Variants in CPSF7 observed in about 807,000 individuals in gnomAD.
CPSF7 encodes cleavage and polyadenylation specificity factor subunit 7.
CPSF7 carries 1 observed loss-of-function variant against 44.3 expected under a neutral mutation model. The observed-to-expected ratio is 0.02, with a 90% CI of 0.01 to 0.11. The LOEUF is 0.11. Among genes scored for constraint, CPSF7 ranks in the 10% least tolerant of loss-of-function variants. The pLI is 1.00. For synonymous variants in CPSF7, 202 were observed against 222.0 expected (o/e 0.91, Z 0.80); for missense variants, 443 against 607.2 (o/e 0.73, Z 2.84).
chr11:61,408,842 A>C (rs986999015), intron 9 of CPSF7, among the ~76,000 whole-genome samples: 29 of 152,212 alleles, frequency 1.9e-4, no homozygotes, highest in Admixed American at 1.9e-3. Flanking sequence ...CCATTACTTA[A>C]GAGTTTTTAT....
At chr11:61,409,664 GT>G (rs71046721) in intron 9 of CPSF7, among the ~76,000 whole-genome samples, 122,172 of 145,792 alleles carry the variant, frequency 0.84, 51,192 homozygotes, top group East Asian at 0.97. Flanking sequence ...TAAATAAACC[GT>G]TTTTTTTTTT....
intron 9 of CPSF7, among the ~76,000 whole-genome samples, chr11:61,408,154 TC>T (rs1385618713): frequency 6.6e-6 from 1 of 151,770 alleles, no homozygotes; most frequent in Non-Finnish European, 1.5e-5. Flanking sequence ...CCTCCCGGGT[TC>T]ATGCCATTCT....
intron 2 of CPSF7, among the ~76,000 whole-genome samples, chr11:61,422,049 A>G (rs1232008944): frequency 1.3e-5 from 2 of 152,208 alleles, no homozygotes; most frequent in Non-Finnish European, 2.9e-5. Flanking sequence ...TTAATAATAA[A>G]TTTATTTAGA....
At chr11:61,418,043 A>G (rs564484076) in intron 5 of CPSF7, among the ~76,000 whole-genome samples, 2 of 152,318 alleles carry the variant, frequency 1.3e-5, no homozygotes, top group Admixed American at 6.5e-5. Flanking sequence ...TGAATTACAG[A>G]AAGACTCCAA....
Position 61,402,986 on chromosome 11 carries a change from T to A in CPSF7, c.*1724A>T, listed in dbSNP as rs1434568158. 1 of 150,956 alleles carries A rather than the reference T, an allele frequency of 6.6e-6. No homozygotes were observed. The highest frequency in any genetic ancestry group is 6.7e-5 in the Admixed American group (1 of 14,998). 9.4% of individuals were successfully genotyped at this position (150,956 alleles called of 1,614,324 possible). ...AAACTGTCACCTTTTCTCTACATTT[T>A]AAAAGACACCCGGAGTTGCTCTCAA... On this transcript the variant is annotated 3_prime_UTR_variant, in exon 10 of 10. Coordinates refer to ENST00000439958, the MANE Select transcript of CPSF7 (RefSeq NM_001142565.3).
At position 61,422,139 on chromosome 11, in the gene CPSF7, T is replaced by C. The variant is rs116939896; in HGVS notation, c.55-531A>G. Among the ~76,000 whole-genome samples, 905 of 152,326 alleles carry C rather than the reference T, an allele frequency of 5.9e-3. 5 individuals are homozygous for C. Among genetic ancestry groups the C allele is most frequent in the Non-Finnish European group, 9.7e-3 (663 of 68,032 alleles). Reference sequence around the variant, plus strand: ...GGAGTTACTGATTTAAATCCCTTGATTGGTATAAATGATTTAGGAAAGCTC... The same window carrying C: ...GGAGTTACTGATTTAAATCCCTTGACTGGTATAAATGATTTAGGAAAGCTC... On this transcript the variant is annotated intron_variant, in intron 2 of 9. Coordinates refer to ENST00000439958, the MANE Select transcript of CPSF7 (RefSeq NM_001142565.3).
Position 61,420,491 on chromosome 11 carries a change from C to G in CPSF7, c.356G>C (p.Arg119Pro). ...DVVELKFAEN[R>P]ANGQSKGYAE... Reference sequence around the variant, plus strand: ...TCACCCTTTGGACTGGCCATTTGCTCGATTCTCTGCAAATTTCAACTCCAC... The same window carrying G: ...TCACCCTTTGGACTGGCCATTTGCTGGATTCTCTGCAAATTTCAACTCCAC... Residue 119 changes from arginine to proline, a missense_variant, in exon 4 of 10, where the codon CGA (arginine) becomes CCA (proline). Transcript: ENST00000439958. The G allele has an allele frequency of 6.2e-7, 1 of 1,613,770 alleles. No individual in the cohort carries two copies. Among genetic ancestry groups the G allele is most frequent in the Non-Finnish European group, 8.5e-7 (1 of 1,179,720 alleles).
chr11:61,424,865 G>A (rs1383164151), intron 2 of CPSF7, among the ~76,000 whole-genome samples: 1 of 152,176 alleles, frequency 6.6e-6, no homozygotes, highest in Non-Finnish European at 1.5e-5. Context: ...TGCAGTATCT[G>A]TAATTCAGGT....
chr11:61,429,515 C>T, intron 1 of CPSF7: 1 of 540,740 alleles, frequency 1.8e-6, no homozygotes, highest in South Asian at 2.7e-5. Context: ...AGCGCCGCGT[C>T]TGCGCCGCAG....
At chr11:61,416,549 G>C (rs752092444) in intron 5 of CPSF7, 30 bp from the exon 6 acceptor site, 13 of 1,610,610 alleles carry the variant, frequency 8.1e-6, no homozygotes, top group South Asian at 7.7e-5. Flanking sequence ...TGATGTTACT[G>C]CCCAGGCTTT....
At chr11:61,421,751 A>G in intron 2 of CPSF7, 143 bp from the exon 3 acceptor site, 1 of 624,372 alleles carries the variant, frequency 1.6e-6, no homozygotes, top group Non-Finnish European at 2.8e-6. Flanking sequence ...ACAAAGTAAG[A>G]AAAACCTCCT....
At chr11:61,417,613 C>T (rs941259155) in intron 5 of CPSF7, among the ~76,000 whole-genome samples, 8 of 152,208 alleles carry the variant, frequency 5.3e-5, no homozygotes, top group African/African-American at 1.9e-4. Flanking sequence ...ATTATGTTGA[C>T]AACCACCTAG....
At chr11:61,412,648 A>G (rs1032176049) in intron 7 of CPSF7, among the ~76,000 whole-genome samples, 2 of 152,240 alleles carry the variant, frequency 1.3e-5, no homozygotes, top group African/African-American at 4.8e-5. Context: ...CATTGGTTCT[A>G]CAGAATATTA....
intron 6 of CPSF7, 111 bp from the exon 7 acceptor site, chr11:61,415,895 A>G: frequency 3.3e-6 from 3 of 904,444 alleles, no homozygotes; most frequent in Non-Finnish European, 5.3e-6. Flanking sequence ...AGACATCTGT[A>G]GCATTCATAA....
At chr11:61,428,471 C>A (rs896869779) in intron 2 of CPSF7, among the ~76,000 whole-genome samples, 1 of 152,156 alleles carries the variant, frequency 6.6e-6, no homozygotes, top group Admixed American at 6.5e-5. Context: ...CAGTCAAGAG[C>A]CACCTTGCCC....
chr11:61,409,761 G>A (rs1350579893), intron 9 of CPSF7, among the ~76,000 whole-genome samples: 1 of 151,696 alleles, frequency 6.6e-6, no homozygotes, highest in Non-Finnish European at 1.5e-5. Context: ...TGATCACGAA[G>A]TCAGGAGTTC....
At chr11:61,429,887 C>A in intron 1 of CPSF7, 27 bp downstream of exon 1, 1 of 1,519,992 alleles carries the variant, frequency 6.6e-7, no homozygotes, top group African/African-American at 1.4e-5. Flanking sequence ...CCGGCCCAAC[C>A]TGCCCCCGAC....
At chr11:61,427,026 C>CAGAA (rs1554982140) in intron 2 of CPSF7, 6 of 13,670 alleles carry the variant, frequency 4.4e-4, no homozygotes, top group African/African-American at 6.5e-4. Flanking sequence ...GACTCTGTCT[C>CAGAA]AAAAAAAAAA....
At chr11:61,425,466 TTG>T (rs1861262772) in intron 2 of CPSF7, among the ~76,000 whole-genome samples, 1 of 152,220 alleles carries the variant, frequency 6.6e-6, no homozygotes, top group Admixed American at 6.5e-5. Flanking sequence ...TCAAAGAATT[TTG>T]TGTTTAATGG....
Sources: allele counts gnomAD v4.1 joint callset (sites outside exome capture counted in the v4.1 genomes callset), GRCh38; gene constraint gnomAD v4.1.1; transcripts MANE v1.5; gene names NCBI Gene and HGNC (gene_info 2026-07-23, HGNC 2026-07-21).